Variants in ZRANB3 observed in about 807,000 individuals in gnomAD.
ZRANB3 encodes DNA annealing helicase and endonuclease ZRANB3.
In ZRANB3, 125 loss-of-function variants were observed where a neutral mutation model predicts 133.8. That is an observed-to-expected ratio of 0.93 (90% CI 0.81 to 1.08). The LOEUF (loss-of-function observed/expected upper bound fraction) is 1.08. ZRANB3 is among the 50% of genes least tolerant of loss of function. The pLI, the probability that ZRANB3 is intolerant of heterozygous loss-of-function variation, is 0.00. For missense variants in ZRANB3, 1,229 were observed against 1,275.5 expected (o/e 0.96, Z 0.56); for synonymous variants, 387 against 432.7 (o/e 0.89, Z 1.31).
At chr2:135,394,940 G>C (rs1049456487) in intron 2 of ZRANB3, among the ~76,000 whole-genome samples, 4 of 107,258 alleles carry the variant, frequency 3.7e-5, no homozygotes, top group Admixed American at 2.7e-4. Flanking sequence ...AACATAGCAA[G>C]ACCTTGTCTC....
chr2:135,509,892 G>A (rs1265830708), intron 1 of ZRANB3, among the ~76,000 whole-genome samples: 1 of 152,016 alleles, frequency 6.6e-6, no homozygotes, highest in Non-Finnish European at 1.5e-5. Flanking sequence ...ATACCAGTGA[G>A]AATCAAAATT....
chr2:135,305,786 C>A (rs1682660338), intron 8 of ZRANB3, among the ~76,000 whole-genome samples: 1 of 152,130 alleles, frequency 6.6e-6, no homozygotes, highest in South Asian at 2.1e-4. Context: ...TAAATTCCTT[C>A]AGTTTTTCCT....
At chr2:135,390,279 G>A (rs1687166162) in intron 3 of ZRANB3, among the ~76,000 whole-genome samples, 1 of 152,138 alleles carries the variant, frequency 6.6e-6, no homozygotes, top group South Asian at 2.1e-4. Context: ...GTCTGAGAAT[G>A]TACACAAAGA....
chr2:135,207,727 T>A lies in ZRANB3; in HGVS notation c.2716A>T (p.Asn906Tyr). ...CGAAGGCAAAGTGGATTTCCTTCAT[T>A]ATCCACAGCTTGCAAATAGCCTTTG... ...TSKGYLQAVD[N>Y]EGNPLCLRCQ... Residue 906 changes from asparagine to tyrosine, a missense_variant, in exon 19 of 21, where the codon AAT (asparagine) becomes TAT (tyrosine). Asn to Tyr is a moderately radical substitution (Grantham distance 143, BLOSUM62 -2). Transcript: ENST00000264159. 2 of 1,614,048 alleles carry A rather than the reference T, an allele frequency of 1.2e-6. No homozygotes were observed.
At chr2:135,524,092 T>C (rs1385163227) in intron 1 of ZRANB3, among the ~76,000 whole-genome samples, 4 of 152,120 alleles carry the variant, frequency 2.6e-5, no homozygotes, top group Non-Finnish European at 5.9e-5. Flanking sequence ...AATTCTTTTT[T>C]CTTTTTTTTT....
At chr2:135,388,835 G>C (rs1687097011) in intron 3 of ZRANB3, among the ~76,000 whole-genome samples, 1 of 152,156 alleles carries the variant, frequency 6.6e-6, no homozygotes, top group Non-Finnish European at 1.5e-5. Flanking sequence ...CCAGCACTTT[G>C]GGAGGCAGAG....
intron 3 of ZRANB3, among the ~76,000 whole-genome samples, chr2:135,389,490 A>C (rs923615503): frequency 6.6e-6 from 1 of 152,072 alleles, no homozygotes; most frequent in African/African-American, 2.4e-5. Flanking sequence ...GTGGATCACG[A>C]GGTCAAGAGA....
At chr2:135,247,387 A>G (rs1695845456) in intron 12 of ZRANB3, among the ~76,000 whole-genome samples, 1 of 152,206 alleles carries the variant, frequency 6.6e-6, no homozygotes, top group Admixed American at 6.5e-5. Context: ...CAAAATGTTC[A>G]TTCCCATACA....
At chr2:135,461,765 A>C (rs959577743) in intron 2 of ZRANB3, among the ~76,000 whole-genome samples, 28 of 152,314 alleles carry the variant, frequency 1.8e-4, no homozygotes, top group Middle Eastern at 3.4e-3. Context: ...CAAAAAAATG[A>C]TTCAAATATA....
chr2:135,304,349 T>C (rs1049274054), intron 8 of ZRANB3, among the ~76,000 whole-genome samples: 1 of 152,228 alleles, frequency 6.6e-6, no homozygotes, highest in Non-Finnish European at 1.5e-5. Flanking sequence ...GAAATAATCA[T>C]ATGGTTTTCA....
chr2:135,252,803 T>G (rs1206292091), intron 12 of ZRANB3, among the ~76,000 whole-genome samples: 1 of 152,242 alleles, frequency 6.6e-6, no homozygotes, highest in Non-Finnish European at 1.5e-5. Context: ...TTGTTTCAAT[T>G]TGTCCTCTCC....
intron 2 of ZRANB3, among the ~76,000 whole-genome samples, chr2:135,405,721 C>T (rs1687984044): frequency 1.3e-5 from 2 of 152,188 alleles, no homozygotes; most frequent in Non-Finnish European, 2.9e-5. Context: ...TGAATGACTA[C>T]TGGGTACATA....
intron 3 of ZRANB3, among the ~76,000 whole-genome samples, chr2:135,383,522 C>A (rs902194514): frequency 6.6e-6 from 1 of 152,254 alleles, no homozygotes; most frequent in East Asian, 1.9e-4. Flanking sequence ...GAACTCTCCA[C>A]CCCAAATCAA....
chr2:135,281,480 G>C (rs1301686274), intron 8 of ZRANB3, among the ~76,000 whole-genome samples: 1 of 151,718 alleles, frequency 6.6e-6, no homozygotes, highest in African/African-American at 2.4e-5. Context: ...GTCTGCTGGG[G>C]GTTTCAAAAA....
intron 2 of ZRANB3, 81 bp from the exon 3 acceptor site, chr2:135,390,901 AC>A: frequency 7.1e-7 from 1 of 1,399,978 alleles, no homozygotes; most frequent in Non-Finnish European, 9.4e-7. Flanking sequence ...TCGCTCTGTC[AC>A]CAGGCTGGAG....
intron 8 of ZRANB3, among the ~76,000 whole-genome samples, chr2:135,311,556 A>G (rs1288636771): frequency 6.6e-6 from 1 of 151,770 alleles, no homozygotes; most frequent in African/African-American, 2.4e-5. Context: ...GAAATATTCC[A>G]AATGTCCATT....
chr2:135,344,897 A>T (rs1684847550), intron 6 of ZRANB3, among the ~76,000 whole-genome samples: 1 of 152,206 alleles, frequency 6.6e-6, no homozygotes, highest in African/African-American at 2.4e-5. Context: ...AATATTATAC[A>T]CATGTAATCA....
chr2:135,483,694 T>G (rs1432563388), intron 2 of ZRANB3, among the ~76,000 whole-genome samples: 1 of 152,172 alleles, frequency 6.6e-6, no homozygotes, highest in Non-Finnish European at 1.5e-5. Flanking sequence ...GTTCTTTTAA[T>G]TGTGATGTTA....
rs777096551 is a variant in ZRANB3, at chr2:135,275,753, T to A, written c.969A>T (p.Ala323=). The A allele has an allele frequency of 8.7e-5, 135 of 1,556,964 alleles. No individual in the cohort carries two copies. The highest frequency in any genetic ancestry group is 7.8e-5 in the Non-Finnish European group (90 of 1,151,690). The part of the protein sequence containing the change: ...RMFKQTAIAK[A]GAVKDYIKMM... The stretch of plus-strand genomic sequence containing the variant: ...TCTTAATATAATCCTTTACAGCACC[T>A]GCCTAAATATTAAAAGGTAAACCTT... Residue 323 remains alanine (A), a splice_region_variant and synonymous_variant, in exon 9 of 21, where the codon GCA becomes GCT. Transcript: ENST00000264159.
Sources: gnomAD v4.1 joint callset for allele counts (sites outside exome capture counted in the v4.1 genomes callset) on GRCh38, gnomAD v4.1.1 for gene constraint, MANE v1.5 for transcripts, NCBI Gene and HGNC (gene_info 2026-07-23, HGNC 2026-07-21) for gene names.